NYAP2: variants seen among roughly 807,000 people sequenced by gnomAD.
NYAP2 encodes neuronal tyrosine-phosphorylated phosphoinositide-3-kinase adaptor 2.
Under a neutral mutation model 50.4 loss-of-function variants are expected in NYAP2, and 23 were observed. The ratio of observed to expected loss-of-function variants is 0.46; its 90% CI spans 0.33 to 0.65. NYAP2 has a LOEUF of 0.65. NYAP2 is among the 30% of genes least tolerant of loss of function. The probability of loss-of-function intolerance (pLI) is 0.02; values close to 1 mark genes in which losing one functional copy is unlikely to be tolerated. For synonymous variants in NYAP2, 394 were observed against 365.2 expected (o/e 1.08, Z -0.90); for missense variants, 885 against 861.0 (o/e 1.03, Z -0.35).
chr2:225,448,568 T>C (rs1689599156), intron 3 of NYAP2, among the ~76,000 whole-genome samples: 1 of 152,218 alleles, frequency 6.6e-6, no homozygotes, highest in South Asian at 2.1e-4. Context: ...TCTACATGAT[T>C]GGTTTCTATA....
intron 4 of NYAP2, among the ~76,000 whole-genome samples, chr2:225,523,838 G>A (rs1691108366): frequency 6.6e-6 from 1 of 152,058 alleles, no homozygotes; most frequent in African/African-American, 2.4e-5. Context: ...AAAACAGCAT[G>A]GTACTGGTAT....
chr2:225,405,491 A>G (rs1321989027), intron 2 of NYAP2, among the ~76,000 whole-genome samples: 1 of 152,050 alleles, frequency 6.6e-6, no homozygotes, highest in Admixed American at 6.6e-5. Flanking sequence ...GGTGGTTTAC[A>G]ACATATGTTA....
chr2:225,685,834 G>C, the NYAP2 span, among the ~76,000 whole-genome samples: 1 of 152,066 alleles, frequency 6.6e-6, no homozygotes, highest in African/African-American at 2.4e-5. Context: ...TGATATATAA[G>C]TATGTTGCAT....
intron 5 of NYAP2, among the ~76,000 whole-genome samples, chr2:225,622,036 C>T (rs2054079): frequency 0.65 from 98,758 of 152,008 alleles, 32,495 homozygotes; most frequent in South Asian, 0.82. Context: ...TTTCAATTAT[C>T]ACTATTGTTA....
Position 225,401,388 on chromosome 2 carries a change from C to T in NYAP2, c.-18+345C>T, listed in dbSNP as rs551777587. ...AAGTTGTGCATGCTAGCTATTTATC[C>T]GCTATTCCATACCATAAATATTTTA... On this transcript the variant is annotated intron_variant, in intron 2 of 6. Coordinates refer to ENST00000636099, the Ensembl canonical transcript of NYAP2. 1.1e-4 allele frequency among the ~76,000 whole-genome samples: 17 copies of T among 152,086 alleles called. No individual in the cohort carries two copies. In the South Asian group the frequency reaches 3.1e-3, roughly 28 times the overall value.
chr2:225,682,484 G>A, the NYAP2 span, among the ~76,000 whole-genome samples: 1 of 152,136 alleles, frequency 6.6e-6, no homozygotes, highest in Non-Finnish European at 1.5e-5. Context: ...ATAGCCTCCT[G>A]CTTCTCCATT....
At chr2:225,609,109 G>T (rs544100294) in intron 5 of NYAP2, among the ~76,000 whole-genome samples, 1 of 152,158 alleles carries the variant, frequency 6.6e-6, no homozygotes, top group Non-Finnish European at 1.5e-5. Flanking sequence ...TGTAAGATAT[G>T]TCATCTCTCC....
chr2:225,593,483 A>G (rs1692546823), intron 5 of NYAP2, among the ~76,000 whole-genome samples: 1 of 152,164 alleles, frequency 6.6e-6, no homozygotes, highest in South Asian at 2.1e-4. Flanking sequence ...TTAATGAAAA[A>G]AATGTCAGCC....
intron 3 of NYAP2, among the ~76,000 whole-genome samples, chr2:225,473,762 T>C (rs887265702): frequency 2.0e-5 from 3 of 152,258 alleles, no homozygotes; most frequent in Admixed American, 6.5e-5. Context: ...TGTAGGTTGC[T>C]TGTTCACTCT....
chr2:225,502,613 T>C (rs1334952822), intron 3 of NYAP2, among the ~76,000 whole-genome samples: 1 of 152,166 alleles, frequency 6.6e-6, no homozygotes, highest in East Asian at 1.9e-4. Flanking sequence ...ATTTTTCAAT[T>C]TCTATAGATC....
the NYAP2 span, chr2:225,703,429 A>G: frequency 6.6e-6 from 1 of 151,836 alleles, no homozygotes; most frequent in Non-Finnish European, 1.5e-5. Flanking sequence ...AGCCATTTCT[A>G]TATATATAAT....
the NYAP2 span, among the ~76,000 whole-genome samples, chr2:225,688,161 G>C: frequency 6.6e-6 from 1 of 152,176 alleles, no homozygotes; most frequent in Non-Finnish European, 1.5e-5. Context: ...TTGAAAAAGA[G>C]ACGTTCTCAG....
chr2:225,407,519 C>A (rs1030365762), intron 2 of NYAP2, among the ~76,000 whole-genome samples: 6 of 151,882 alleles, frequency 4.0e-5, no homozygotes, highest in Middle Eastern at 6.8e-3. Flanking sequence ...AGCTGAAATG[C>A]TAATAAAGTC....
At chr2:225,517,529 T>C (rs1004001704) in intron 4 of NYAP2, among the ~76,000 whole-genome samples, 1 of 152,206 alleles carries the variant, frequency 6.6e-6, no homozygotes, top group African/African-American at 2.4e-5. Context: ...AGTGATCCAA[T>C]GGGACTGTTT....
Position 225,582,234 on chromosome 2 carries a change from T to C in NYAP2, c.817T>C (p.Tyr273His). The change falls in exon 5 of 7, where the codon TAC becomes CAC. Residue 273 changes from tyrosine (Y) to histidine (H), a missense_variant. Physicochemically the swap from Tyr to His is moderately conservative, Grantham distance 83 (BLOSUM62 2). Transcript: ENST00000636099. This position sits in a 1 kb window ranked among gnomAD's most constrained non-coding sequence, Gnocchi z 7.0. ...CGAGGCCGTCTACGAGGAAATGAAG[T>C]ACCCTATCTTTGACGACTTGGGCCA... is the stretch of plus-strand genomic sequence containing the variant. 6.2e-7 allele frequency: 1 copy of C among 1,614,034 alleles called. No individual in the cohort carries two copies. Among genetic ancestry groups the C allele is most frequent in the East Asian group, 2.2e-5 (1 of 44,860 alleles).
chr2:225,538,473 A>G (rs903431691), intron 4 of NYAP2, among the ~76,000 whole-genome samples: 1 of 152,232 alleles, frequency 6.6e-6, no homozygotes, highest in Non-Finnish European at 1.5e-5. Context: ...CTCTGAAGCC[A>G]TGGACTGAGC....
At chr2:225,563,768 T>G (rs561566028) in intron 4 of NYAP2, among the ~76,000 whole-genome samples, 1 of 152,122 alleles carries the variant, frequency 6.6e-6, no homozygotes, top group Non-Finnish European at 1.5e-5. Flanking sequence ...AGTTTGAAAA[T>G]GTACTTTCAA....
At chr2:225,459,700 G>T (rs956814097) in intron 3 of NYAP2, among the ~76,000 whole-genome samples, 2 of 151,874 alleles carry the variant, frequency 1.3e-5, no homozygotes, top group Non-Finnish European at 2.9e-5. Context: ...CTGGAGTGCA[G>T]TGACGTGATC....
the NYAP2 span, among the ~76,000 whole-genome samples, chr2:225,689,182 T>C: frequency 6.6e-6 from 1 of 152,318 alleles, no homozygotes; most frequent in South Asian, 2.1e-4. Flanking sequence ...ATTTGTGACA[T>C]GGGTCTTGCT....
Sources: gnomAD v4.1 joint callset for allele counts (sites outside exome capture counted in the v4.1 genomes callset) on GRCh38, gnomAD v4.1.1 for gene constraint, Gnocchi (gnomAD v3.1) non-coding constraint, MANE v1.5 for transcripts, NCBI Gene and HGNC (gene_info 2026-07-23, HGNC 2026-07-21) for gene names.